SS18L1: variants seen among roughly 807,000 people sequenced by gnomAD.
SS18L1 encodes the protein calcium-responsive transactivator.
SS18L1 carries 32 observed loss-of-function variants against 70.3 expected under a neutral mutation model. That is an observed-to-expected ratio of 0.46 (90% confidence interval 0.34 to 0.61). The LOEUF is 0.61. SS18L1 is among the 20% of genes least tolerant of loss of function. SS18L1 has a pLI of 0.01. For missense variants in SS18L1, 430 were observed against 542.1 expected (o/e 0.79, Z 2.05); for synonymous variants, 237 against 229.7 (o/e 1.03, Z -0.29).
chr20:62,145,211 C>T (rs796947076), intron 1 of SS18L1, among the ~76,000 whole-genome samples: 18 of 152,346 alleles, frequency 1.2e-4, no homozygotes, highest in African/African-American at 3.1e-4. Context: ...TTTTATAAAT[C>T]TTGATTCATC....
chr20:62,162,684 G>A, intron 4 of SS18L1, 68 bp from the exon 5 acceptor site: 2 of 1,512,190 alleles, frequency 1.3e-6, no homozygotes, highest in Non-Finnish European at 1.8e-6. Flanking sequence ...AAATTGGGGT[G>A]TCTTCACCTT....
chr20:62,157,361 G>A (rs2057242610), intron 1 of SS18L1, among the ~76,000 whole-genome samples: 1 of 152,250 alleles, frequency 6.6e-6, no homozygotes, highest in South Asian at 2.1e-4. Context: ...AGGCGCTTTG[G>A]GAAGGAAACC....
At chr20:62,153,728 G>A (rs116319149) in intron 1 of SS18L1, among the ~76,000 whole-genome samples, 193 of 152,156 alleles carry the variant, frequency 1.3e-3, no homozygotes, top group African/African-American at 4.1e-3. Flanking sequence ...GTATTCTTCC[G>A]GGTTTCAGTC....
chr20:62,148,406 G>A (rs1368543102), intron 1 of SS18L1, among the ~76,000 whole-genome samples: 3 of 149,230 alleles, frequency 2.0e-5, no homozygotes, highest in Admixed American at 1.3e-4. Context: ...GGGAGGCTCG[G>A]CCTCCTTGCT....
At chr20:62,167,051 T>G (rs1336804047) in intron 8 of SS18L1, among the ~76,000 whole-genome samples, 16 of 134,936 alleles carry the variant, frequency 1.2e-4, no homozygotes, top group South Asian at 2.7e-4. Context: ...TGTTTTTTTT[T>G]TTTTTTTTTT....
rs58316174 is a variant in SS18L1 at position 62,161,244 on chromosome 20, C to A, written c.232-192C>A. 0.065 allele frequency among the ~76,000 whole-genome samples: 9,759 copies of A among 150,966 alleles called. 409 individuals are homozygous for A. Among genetic ancestry groups the A allele is most frequent in the African/African-American group, 0.11 (4,604 of 41,060 alleles). On this transcript the variant is annotated intron_variant, in intron 3 of 10. Transcript: ENST00000331758. The surrounding 1 kb of genome is among the most constrained non-coding windows in gnomAD (Gnocchi z 4.4). The stretch of plus-strand genomic sequence containing the variant: ...GTGAACGCTCACCCAGATGCTCACT[C>A]TGCCATCTCCATCTGGGCCTGGTGC...
chr20:62,163,447 C>T lies in SS18L1; in HGVS notation c.557-11C>T. The T allele has an allele frequency of 6.2e-7, 1 of 1,611,860 alleles. No individual in the cohort carries two copies. Among genetic ancestry groups the T allele is most frequent in the Non-Finnish European group, 8.5e-7 (1 of 1,179,834 alleles). On this transcript the variant is annotated splice_polypyrimidine_tract_variant and intron_variant, in intron 5 of 10. Transcript: ENST00000331758. ...CCCGGGGTGATGTGGGGCCTCTGTC[C>T]TGTCGTTCAGTCTCCATGATGCAGC...
At position 62,161,885 on chromosome 20, in the gene SS18L1, CTT is replaced by C. The variant is rs1002140868; in HGVS notation, c.376+307_376+308del. ...TGTAATAGGAATGGAATGCTCCTGTCTTTGGATTGAGAAGCATGGATAACGTT... is the reference window on the plus strand; with the variant it reads ...TGTAATAGGAATGGAATGCTCCTGTCTGGATTGAGAAGCATGGATAACGTT... On this transcript the variant is annotated intron_variant, in intron 4 of 10. Coordinates refer to ENST00000331758, the MANE Select transcript of SS18L1 (RefSeq NM_198935.3). This position sits in a 1 kb window ranked among gnomAD's most constrained non-coding sequence, Gnocchi z 4.4. 6.6e-6 allele frequency among the ~76,000 whole-genome samples: 1 copy of C among 152,204 alleles called. No homozygotes were observed. The highest frequency in any genetic ancestry group is 2.4e-5 in the African/African-American group (1 of 41,438).
Position 62,181,330 on chromosome 20 carries a change from GTTC to G in SS18L1, c.*2125_*2127del, listed in dbSNP as rs2057704938. The G allele has an allele frequency of 4.8e-6, 1 of 208,882 alleles. No individual in the cohort carries two copies. Among genetic ancestry groups the G allele is most frequent in the Non-Finnish European group, 9.8e-6 (1 of 102,470 alleles). 12.9% of individuals were successfully genotyped at this position (208,882 alleles called of 1,614,324 possible). A position where few individuals can be genotyped will look rare whatever the true frequency, so the allele number is the denominator to read the frequency against. Reference sequence around the variant, plus strand: ...TTAGGGAGTCATCTCCCTTGATTGTGTTCTTTTCCTGTCAATTTTCATAGACCT... The same window carrying G: ...TTAGGGAGTCATCTCCCTTGATTGTGTTTTCCTGTCAATTTTCATAGACCT... On this transcript the variant is annotated 3_prime_UTR_variant, in exon 11 of 11. Transcript: ENST00000331758.
intron 10 of SS18L1, among the ~76,000 whole-genome samples, chr20:62,178,746 A>G (rs1241100515): frequency 6.6e-6 from 1 of 152,122 alleles, no homozygotes; most frequent in East Asian, 1.9e-4. Context: ...GAGTCTGGCC[A>G]TGTTGCCCAG....
chr20:62,174,107 T>C lies in SS18L1; in HGVS notation c.1037-410T>C, dbSNP rs548730109. On this transcript the variant is annotated intron_variant, in intron 9 of 10. Coordinates refer to ENST00000331758, the MANE Select transcript of SS18L1 (RefSeq NM_198935.3). This position sits in a 1 kb window ranked among gnomAD's most constrained non-coding sequence, Gnocchi z 4.1. ...AGACGATGTCTCTGTCTCACCTGCC[T>C]GCAGGTTTTCAGCAGCTCCCGTGGT... is the stretch of plus-strand genomic sequence containing the variant. 6.6e-6 allele frequency among the ~76,000 whole-genome samples: 1 copy of C among 152,252 alleles called. No homozygotes were observed. Among genetic ancestry groups the C allele is most frequent in the African/African-American group, 2.4e-5 (1 of 41,550 alleles).
chr20:62,144,240 G>A (rs2056979423), intron 1 of SS18L1, among the ~76,000 whole-genome samples: 1 of 151,804 alleles, frequency 6.6e-6, no homozygotes, highest in Non-Finnish European at 1.5e-5. Flanking sequence ...AACTGTCCTG[G>A]GCTATGCCGG....
At position 62,150,633 on chromosome 20, in the gene SS18L1, A is replaced by AATTTTTTT. The variant is rs1199902967; in HGVS notation, c.69+6744_69+6745insATTTTTTT. 9.8e-4 allele frequency among the ~76,000 whole-genome samples: 57 copies of AATTTTTTT among 58,052 alleles called. 3 individuals carry two copies. Among genetic ancestry groups the AATTTTTTT allele is most frequent in the Admixed American group, 1.8e-3 (8 of 4,458 alleles). 38.1% of individuals were successfully genotyped at this position (58,052 alleles called of 152,430 possible). ...CGGAGCATAAGAAACATTGAGGTGG[A>AATTTTTTT]TTTTTTTTTTTTTTTTTTTTTTTTT... On this transcript the variant is annotated intron_variant, in intron 1 of 10. Transcript: ENST00000331758.
rs530158655 is a variant in SS18L1 at position 62,180,516 on chromosome 20, C to A, written c.*1308C>A. The A allele has an allele frequency of 1.3e-4, 23 of 181,154 alleles. No individual in the cohort carries two copies. The highest frequency in any genetic ancestry group is 2.6e-4 in the Non-Finnish European group (22 of 84,820). The allele number at this position is 181,154 out of a possible 1,614,324, so 11.2% of individuals were successfully genotyped here. ...AATGCTGACAGATTTCCAAGAACTA[C>A]CAAGAAAATACAAGAGATATCCAAT... On this transcript the variant is annotated 3_prime_UTR_variant, in exon 11 of 11. Transcript: ENST00000331758.
Position 62,143,820 on chromosome 20 carries a change from C to T in SS18L1, c.-1C>T. On this transcript the variant is annotated 5_prime_UTR_variant, in exon 1 of 11. Coordinates refer to ENST00000331758, the MANE Select transcript of SS18L1 (RefSeq NM_198935.3). Reference sequence around the variant, plus strand: ...CACGGGCTGAGCCCCGCGCCGCCACCATGTCCGTGGCCTTCGCGTCTGCCC... The same window carrying T: ...CACGGGCTGAGCCCCGCGCCGCCACTATGTCCGTGGCCTTCGCGTCTGCCC... 1.5e-6 allele frequency: 2 copies of T among 1,359,926 alleles called. No homozygotes were observed. Among genetic ancestry groups the T allele is most frequent in the Non-Finnish European group, 1.9e-6 (2 of 1,026,982 alleles). 84.2% of individuals were successfully genotyped at this position (1,359,926 alleles called of 1,614,324 possible). A position where few individuals can be genotyped will look rare whatever the true frequency, so the allele number is the denominator to read the frequency against.
intron 1 of SS18L1, among the ~76,000 whole-genome samples, chr20:62,154,003 C>T (rs1032323892): frequency 9.2e-5 from 14 of 152,224 alleles, no homozygotes; most frequent in Non-Finnish European, 7.3e-5. Flanking sequence ...GTTATTCTTG[C>T]CCTGACAATT....
At position 62,182,320 on chromosome 20, in the gene SS18L1, C is replaced by T. The variant is rs2057725485; in HGVS notation, c.*3112C>T. On this transcript the variant is annotated 3_prime_UTR_variant, in exon 11 of 11. Coordinates refer to ENST00000331758, the MANE Select transcript of SS18L1 (RefSeq NM_198935.3). ...CCATTTCCATTTAAACATTTTTAGCCACTTCATTTCTATTTATTGAACAGG... is the reference window on the plus strand; with the variant it reads ...CCATTTCCATTTAAACATTTTTAGCTACTTCATTTCTATTTATTGAACAGG... The T allele has an allele frequency of 9.4e-6, 2 of 213,358 alleles. No individual in the cohort carries two copies. Among genetic ancestry groups the T allele is most frequent in the East Asian group, 1.4e-4 (2 of 14,278 alleles). The allele number at this position is 213,358 out of a possible 1,614,324, so 13.2% of individuals were successfully genotyped here.
chr20:62,145,781 C>T (rs930233763), intron 1 of SS18L1, among the ~76,000 whole-genome samples: 2 of 152,160 alleles, frequency 1.3e-5, no homozygotes, highest in Admixed American at 6.5e-5. Flanking sequence ...GGTGTTTTGA[C>T]GGTGAATATA....
At chr20:62,171,191 C>A (rs1419491958) in intron 8 of SS18L1, among the ~76,000 whole-genome samples, 1 of 151,904 alleles carries the variant, frequency 6.6e-6, no homozygotes, top group Non-Finnish European at 1.5e-5. Flanking sequence ...CGTGAGCCAC[C>A]GCACCCGGCC....
Sources: allele counts gnomAD v4.1 joint callset (sites outside exome capture counted in the v4.1 genomes callset), GRCh38; gene constraint gnomAD v4.1.1; non-coding constraint Gnocchi (gnomAD v3.1); transcripts MANE v1.5; gene names NCBI Gene and HGNC (gene_info 2026-07-23, HGNC 2026-07-21).